The following KALRN variants were observed in gnomAD, a reference collection of about 807,000 sequenced individuals.
KALRN encodes kalirin RhoGEF kinase.
A neutral mutation model predicts 353.7 loss-of-function variants in KALRN; 70 were observed. The observed-to-expected ratio is 0.20, with a 90% confidence interval of 0.16 to 0.24. The LOEUF (loss-of-function observed/expected upper bound fraction) is 0.24. Ranked by LOEUF, KALRN falls within the 10% of genes least tolerant of loss-of-function variation. The probability of loss-of-function intolerance (pLI) is 1.00; values close to 1 mark genes in which losing one functional copy is unlikely to be tolerated. For missense variants in KALRN, 2,791 were observed against 3,756.7 expected (o/e 0.74, Z 6.72); for synonymous variants, 1,391 against 1,434.8 (o/e 0.97, Z 0.69).
intron 34 of KALRN, among the ~76,000 whole-genome samples, chr3:124,590,612 T>A (rs1353501111): frequency 6.6e-6 from 1 of 152,142 alleles, no homozygotes; most frequent in African/African-American, 2.4e-5. Flanking sequence ...CCTAAAAACA[T>A]TGCCCATCTT....
intron 3 of KALRN, among the ~76,000 whole-genome samples, chr3:124,240,526 G>A (rs912861368): frequency 1.7e-4 from 26 of 152,146 alleles, no homozygotes; most frequent in Non-Finnish European, 3.5e-4. Context: ...AGGAACTGTG[G>A]CCTTCAGTGG....
intron 8 of KALRN, among the ~76,000 whole-genome samples, chr3:124,331,638 T>TAGAAC (rs10657755): frequency 6.6e-6 from 1 of 151,472 alleles, no homozygotes; most frequent in African/African-American, 2.4e-5. Flanking sequence ...CTTTCTGTCT[T>TAGAAC]AGAACTGTGC....
intron 6 of KALRN, among the ~76,000 whole-genome samples, chr3:124,299,965 G>A (rs536519252): frequency 2.6e-5 from 4 of 152,252 alleles, no homozygotes; most frequent in East Asian, 3.9e-4. Context: ...TGGTCCAGAA[G>A]AATAGCTCCA....
chr3:124,337,471 C>A (rs1010704008), intron 9 of KALRN, among the ~76,000 whole-genome samples: 1 of 152,160 alleles, frequency 6.6e-6, no homozygotes, highest in Non-Finnish European at 1.5e-5. Context: ...GTTGAACCAG[C>A]CTTGCATCCC....
At chr3:124,534,655 G>T (rs1409355853) in intron 33 of KALRN, among the ~76,000 whole-genome samples, 1 of 152,180 alleles carries the variant, frequency 6.6e-6, no homozygotes, top group Non-Finnish European at 1.5e-5. Flanking sequence ...CTAGTGGGGT[G>T]ATCAAAAGGT....
intron 5 of KALRN, among the ~76,000 whole-genome samples, chr3:124,285,780 C>T (rs550215364): frequency 2.0e-5 from 3 of 152,346 alleles, no homozygotes; most frequent in East Asian, 1.9e-4. Context: ...AGATGATCCA[C>T]CTGCCTGGGC....
intron 57 of KALRN, among the ~76,000 whole-genome samples, chr3:124,709,169 C>T (rs2062776096): frequency 6.6e-6 from 1 of 152,134 alleles, no homozygotes; most frequent in Non-Finnish European, 1.5e-5. Context: ...CAAAAACTCT[C>T]ATTAGTATCC....
chr3:124,298,980 G>A (rs999644424), intron 6 of KALRN, 67 bp downstream of exon 6: 1 of 1,587,988 alleles, frequency 6.3e-7, no homozygotes. Context: ...TGGGAGGAGG[G>A]ACAGAAACAG....
At chr3:124,453,227 TGAG>T (rs1263917607) in intron 21 of KALRN, among the ~76,000 whole-genome samples, 2 of 152,352 alleles carry the variant, frequency 1.3e-5, no homozygotes, top group South Asian at 2.1e-4. Flanking sequence ...TTTTCATGGC[TGAG>T]GAGATGTTTC....
At chr3:124,409,440 T>C (rs2091932578) in intron 13 of KALRN, among the ~76,000 whole-genome samples, 1 of 152,196 alleles carries the variant, frequency 6.6e-6, no homozygotes, top group Non-Finnish European at 1.5e-5. Context: ...GAGAAAAATA[T>C]TCGGGTCTAG....
At position 124,196,540 on chromosome 3, in the gene KALRN, GTCTT is replaced by G. The variant is rs202026432; in HGVS notation, c.74-31444_74-31441del. Among the ~76,000 whole-genome samples, 2 of 151,222 alleles carry G rather than the reference GTCTT, an allele frequency of 1.3e-5. 1 individual carries two copies. Among genetic ancestry groups the G allele is most frequent in the African/African-American group, 4.9e-5 (2 of 40,580 alleles). ...GCTTTTTTTGGCTGCATTGAAGTTG[GTCTT>G]TCTTTTCTTCATTTCTGAGGGCAAA... On this transcript the variant is annotated intron_variant, in intron 1 of 59. Transcript: ENST00000682506.
In KALRN at chr3:124,712,949, T is replaced by C; in HGVS notation, c.8090T>C (p.Ile2697Thr). The change falls in exon 58 of 60, where the codon ATA becomes ACA. Residue 2697 changes from isoleucine to threonine, a missense_variant. Transcript: ENST00000682506. The part of the protein sequence containing the change: ...LNEIGRGRFS[I>T]VKKCIHKATR... ...TGTTTTTCCAGAGGCCGTTTCTCTATAGTAAAGAAATGCATTCACAAAGCT... is the reference window on the plus strand; with the variant it reads ...TGTTTTTCCAGAGGCCGTTTCTCTACAGTAAAGAAATGCATTCACAAAGCT... 1.2e-6 allele frequency: 2 copies of C among 1,613,336 alleles called. No individual in the cohort carries two copies. The highest frequency in any genetic ancestry group is 1.7e-6 in the Non-Finnish European group (2 of 1,179,350).
chr3:124,285,815 C>A (rs552688571), intron 5 of KALRN, among the ~76,000 whole-genome samples: 1 of 152,178 alleles, frequency 6.6e-6, no homozygotes, highest in African/African-American at 2.4e-5. Context: ...GGATTACAGG[C>A]GTGAGCCACT....
chr3:124,256,103 A>C (rs2071936922), intron 3 of KALRN, among the ~76,000 whole-genome samples: 1 of 152,148 alleles, frequency 6.6e-6, no homozygotes, highest in African/African-American at 2.4e-5. Context: ...GCCAGGGGAG[A>C]ATCCAGAGAG....
intron 13 of KALRN, 48 bp from the exon 14 acceptor site, chr3:124,413,422 T>G: frequency 6.6e-7 from 1 of 1,507,064 alleles, no homozygotes. Context: ...CCTAACAATC[T>G]CTCGTGGACC....
rs114164177 is a variant in KALRN, at chr3:124,640,575, C to T, written c.5664+3272C>T. On this transcript the variant is annotated intron_variant, in intron 37 of 59. Transcript: ENST00000682506. Reference sequence around the variant, plus strand: ...CTGGGATTACAGTCATGAGCCACCACGCCCAGCCAATGCATTCTATTATTC... The same window carrying T: ...CTGGGATTACAGTCATGAGCCACCATGCCCAGCCAATGCATTCTATTATTC... Among the ~76,000 whole-genome samples the T allele has an allele frequency of 7.7e-3, 1,167 of 152,216 alleles. 13 individuals are homozygous for T. Among genetic ancestry groups the T allele is most frequent in the African/African-American group, 0.025 (1,021 of 41,524 alleles).
At chr3:124,113,918 G>A (rs2063227656) in intron 1 of KALRN, among the ~76,000 whole-genome samples, 1 of 152,208 alleles carries the variant, frequency 6.6e-6, no homozygotes, top group African/African-American at 2.4e-5. Flanking sequence ...ACCACTTAAG[G>A]AGAGAAGGAT....
intron 13 of KALRN, among the ~76,000 whole-genome samples, chr3:124,400,555 A>G (rs486194): frequency 0.97 from 148,211 of 152,286 alleles, 72,244 homozygotes; most frequent in East Asian, 1. Flanking sequence ...ATCAACACAC[A>G]TTTTGAAAAA....
intron 29 of KALRN, among the ~76,000 whole-genome samples, chr3:124,489,202 G>C (rs917969354): frequency 1.3e-5 from 2 of 152,124 alleles, no homozygotes; most frequent in African/African-American, 4.8e-5. Flanking sequence ...AGCTACTCGG[G>C]AGGCTGAGGT....
Sources: allele counts gnomAD v4.1 joint callset (sites outside exome capture counted in the v4.1 genomes callset), GRCh38; gene constraint gnomAD v4.1.1; transcripts MANE v1.5; gene names NCBI Gene and HGNC (gene_info 2026-07-23, HGNC 2026-07-21).